SAMD12: variants seen among roughly 807,000 people sequenced by gnomAD.
The protein encoded by SAMD12 is sterile alpha motif domain containing 12.
A neutral mutation model predicts 15.0 loss-of-function variants in SAMD12; 9 were observed. The observed-to-expected ratio is 0.60, with a 90% confidence interval of 0.36 to 1.05. The LOEUF (loss-of-function observed/expected upper bound fraction) is 1.05. SAMD12 is among the 50% of genes least tolerant of loss of function. The pLI is 0.01. For synonymous variants in SAMD12, 86 were observed against 90.1 expected, an observed-to-expected ratio of 0.96 and a Z score of 0.25; for missense variants, 230 against 234.2, an observed-to-expected ratio of 0.98 and a Z score of 0.12.
chr8:118,331,764 T>C (rs748094326), intron 4 of SAMD12, among the ~76,000 whole-genome samples: 30 of 152,218 alleles, frequency 2.0e-4, no homozygotes, highest in Non-Finnish European at 4.1e-4. Flanking sequence ...ATAATTCAAT[T>C]AGTCTAGACT....
chr8:118,187,016 C>T (rs1434808344), downstream of SAMD12, among the ~76,000 whole-genome samples: 2 of 152,102 alleles, frequency 1.3e-5, no homozygotes, highest in Admixed American at 6.5e-5. Flanking sequence ...ATTCTTATTC[C>T]CCTCTTGAAC....
intron 2 of SAMD12, among the ~76,000 whole-genome samples, chr8:118,475,541 A>G (rs1823935092): frequency 6.6e-6 from 1 of 152,198 alleles, no homozygotes; most frequent in Admixed American, 6.5e-5. Flanking sequence ...ACCCTGAGGC[A>G]TAGTATGCTT....
chr8:118,349,648 T>C (rs1817855648), intron 4 of SAMD12, among the ~76,000 whole-genome samples: 1 of 152,236 alleles, frequency 6.6e-6, no homozygotes, highest in African/African-American at 2.4e-5. Flanking sequence ...TGGCACATAG[T>C]ACATGCTCAA....
At chr8:118,453,042 AT>A (rs1163516424) in intron 2 of SAMD12, among the ~76,000 whole-genome samples, 2 of 152,168 alleles carry the variant, frequency 1.3e-5, no homozygotes, top group African/African-American at 4.8e-5. Flanking sequence ...TTCATCTATT[AT>A]TTTTTAACCT....
rs879780902 is a variant in SAMD12, at chr8:118,440,693, CACAA to C, written c.193-736_193-733del. Among the ~76,000 whole-genome samples, 910 of 136,918 alleles carry C rather than the reference CACAA, an allele frequency of 6.6e-3. 5 individuals carry two copies. Among genetic ancestry groups the C allele is most frequent in the Non-Finnish European group, 8.3e-3 (539 of 64,986 alleles). The allele number at this position is 136,918 out of a possible 152,430, so 89.8% of individuals were successfully genotyped here. A position where few individuals can be genotyped will look rare whatever the true frequency, so the allele number is the denominator to read the frequency against. On this transcript the variant is annotated intron_variant, in intron 2 of 3. Coordinates refer to ENST00000314727, the MANE Select transcript of SAMD12 (RefSeq NM_207506.3). ...ACACACACACACACACACACACACA[CACAA>C]ACACACACACACACACACATATAAA...
chr8:118,458,892 T>C (rs1476060022), intron 2 of SAMD12, among the ~76,000 whole-genome samples: 1 of 152,142 alleles, frequency 6.6e-6, no homozygotes, highest in Non-Finnish European at 1.5e-5. Context: ...TGCCTGACAC[T>C]TAATTTCATG....
chr8:118,200,675 G>C (rs748920700), intron 4 of SAMD12, among the ~76,000 whole-genome samples: 30 of 152,144 alleles, frequency 2.0e-4, no homozygotes, highest in Non-Finnish European at 3.2e-4. Flanking sequence ...GCTCTTTGCT[G>C]TTTTTGCAGT....
chr8:118,318,355 T>C (rs58783663), intron 4 of SAMD12, among the ~76,000 whole-genome samples: 48,870 of 110,570 alleles, frequency 0.44, 11,520 homozygotes, highest in African/African-American at 0.69. Flanking sequence ...TATATATATA[T>C]ACATATATAC....
At chr8:118,410,011 T>C (rs947416484) in intron 3 of SAMD12, among the ~76,000 whole-genome samples, 1 of 152,142 alleles carries the variant, frequency 6.6e-6, no homozygotes, top group Non-Finnish European at 1.5e-5. Context: ...CTTAAAAAGT[T>C]AGCTAGCAAT....
chr8:118,508,791 G>C (rs1349603745), intron 2 of SAMD12, among the ~76,000 whole-genome samples: 1 of 152,182 alleles, frequency 6.6e-6, no homozygotes, highest in Non-Finnish European at 1.5e-5. Context: ...GTATGACAGA[G>C]GTGGAGATAT....
chr8:118,381,172 T>C (rs1819651070), intron 3 of SAMD12, among the ~76,000 whole-genome samples: 2 of 152,140 alleles, frequency 1.3e-5, no homozygotes, highest in South Asian at 2.1e-4. Context: ...TATACTAATA[T>C]AGATGTGGCC....
chr8:118,344,558 A>G (rs1244701491), intron 4 of SAMD12, among the ~76,000 whole-genome samples: 2 of 152,176 alleles, frequency 1.3e-5, no homozygotes, highest in East Asian at 3.8e-4. Flanking sequence ...GCTCTTAACC[A>G]TTGTTTCCTA....
the SAMD12 span, among the ~76,000 whole-genome samples, chr8:118,160,696 T>C: frequency 2.0e-5 from 3 of 152,236 alleles, no homozygotes. Context: ...AAATGGATCA[T>C]AGAGCTAAAT....
intron 3 of SAMD12, among the ~76,000 whole-genome samples, chr8:118,414,190 T>A (rs1382533020): frequency 6.6e-6 from 1 of 152,220 alleles, no homozygotes; most frequent in Non-Finnish European, 1.5e-5. Context: ...CCACTGTATT[T>A]AGACATTTGA....
At chr8:118,340,586 T>C (rs1463168865) in intron 4 of SAMD12, among the ~76,000 whole-genome samples, 2 of 152,136 alleles carry the variant, frequency 1.3e-5, no homozygotes, top group Non-Finnish European at 2.9e-5. Context: ...CTGGCCAATA[T>C]GGCGAAACCC....
At chr8:118,373,037 A>G (rs1819186997), downstream of SAMD12, among the ~76,000 whole-genome samples, 1 of 152,064 alleles carries the variant, frequency 6.6e-6, no homozygotes, top group Non-Finnish European at 1.5e-5. Context: ...TTGGGAGAGT[A>G]TTTTCTGGAG....
intron 1 of SAMD12, chr8:118,621,459 G>A (rs1828403484): frequency 5.5e-6 from 2 of 360,516 alleles, no homozygotes; most frequent in Non-Finnish European, 1.0e-5. Context: ...CTGCTCCGGA[G>A]GGAGGGGGCA....
intron 4 of SAMD12, among the ~76,000 whole-genome samples, chr8:118,337,668 T>C (rs1166273015): frequency 6.6e-6 from 1 of 152,194 alleles, no homozygotes; most frequent in Non-Finnish European, 1.5e-5. Flanking sequence ...CTGTAGACAC[T>C]CCCTCCTTAG....
chr8:118,167,882 G>A, the SAMD12 span, among the ~76,000 whole-genome samples: 3 of 152,152 alleles, frequency 2.0e-5, no homozygotes, highest in Non-Finnish European at 4.4e-5. Context: ...GGGGTTGTTG[G>A]CTGGGGAGCA....
Sources: allele counts gnomAD v4.1 joint callset (sites outside exome capture counted in the v4.1 genomes callset), GRCh38; gene constraint gnomAD v4.1.1; transcripts MANE v1.5; gene names NCBI Gene and HGNC (gene_info 2026-07-23, HGNC 2026-07-21).